The following MARCHF11 variants were observed in gnomAD, a reference collection of about 807,000 sequenced individuals.
MARCHF11 encodes the protein membrane associated ring-CH-type finger 11.
In MARCHF11, 29 loss-of-function variants were observed where a neutral mutation model predicts 37.3. The ratio of observed to expected loss-of-function variants is 0.78; its 90% CI spans 0.58 to 1.06. The LOEUF (loss-of-function observed/expected upper bound fraction) is 1.06, where lower values mean the gene tolerates loss of function less well. MARCHF11 is among the 50% of genes least tolerant of loss of function. The pLI is 0.00. For synonymous variants in MARCHF11, 233 were observed against 228.0 expected (o/e 1.02, Z -0.20); for missense variants, 482 against 533.4 (o/e 0.90, Z 0.95).
In MARCHF11 at chr5:16,100,747, T is replaced by A. The variant is rs953948617; in HGVS notation, c.694-9666A>T. On this transcript the variant is annotated intron_variant, in intron 2 of 3. Transcript: ENST00000332432. ...TCTCCATTCACAGGAGGAAGGTATA[T>A]CAGAGCAGCAGAAGGTGTAAAAAGT... Among the ~76,000 whole-genome samples the A allele has an allele frequency of 2.0e-5, 3 of 152,164 alleles. No individual in the cohort carries two copies. The South Asian group carries it at 6.2e-4, about 32-fold the overall frequency.
At chr5:16,118,699 G>A (rs1378282894) in intron 2 of MARCHF11, among the ~76,000 whole-genome samples, 1 of 152,126 alleles carries the variant, frequency 6.6e-6, no homozygotes, top group Non-Finnish European at 1.5e-5. Flanking sequence ...ACCCAAGAGA[G>A]AGGAATCAGG....
chr5:16,101,850 C>T (rs1736964294), intron 2 of MARCHF11, among the ~76,000 whole-genome samples: 1 of 152,182 alleles, frequency 6.6e-6, no homozygotes, highest in Admixed American at 6.5e-5. Context: ...TAGGCCAATG[C>T]AATTTCTCCT....
At chr5:16,119,344 A>AGAGT (rs1455452359) in intron 2 of MARCHF11, among the ~76,000 whole-genome samples, 1 of 151,822 alleles carries the variant, frequency 6.6e-6, no homozygotes, top group Non-Finnish European at 1.5e-5. Flanking sequence ...CCTGGGCAAC[A>AGAGT]GAGTGAGACT....
chr5:16,152,941 A>AT (rs1375728840), intron 2 of MARCHF11, among the ~76,000 whole-genome samples: 1 of 151,984 alleles, frequency 6.6e-6, no homozygotes. Context: ...AAACACACAC[A>AT]TTTTAAGAGC....
chr5:16,129,243 G>T (rs76195140), intron 2 of MARCHF11: 2 of 152,270 alleles, frequency 1.3e-5, no homozygotes, highest in East Asian at 1.9e-4. Context: ...CTGGAGTCGG[G>T]TGTCTTACAA....
intron 2 of MARCHF11, among the ~76,000 whole-genome samples, chr5:16,166,846 T>C (rs896041469): frequency 2.0e-5 from 3 of 151,910 alleles, no homozygotes; most frequent in Non-Finnish European, 2.9e-5. Flanking sequence ...TTTTTAATCA[T>C]CCAGTATATT....
rs80301982 is a variant in MARCHF11 at position 16,143,959 on chromosome 5, C to T, written c.693+33767G>A. On this transcript the variant is annotated intron_variant, in intron 2 of 3. Transcript: ENST00000332432. ...TCCCACAGGTCCAGCAGTCCCTAGC[C>T]GTGATGATGCTCACTCCATCTGTAT... 6.9e-3 allele frequency among the ~76,000 whole-genome samples: 1,057 copies of T among 152,290 alleles called. 17 individuals are homozygous for T. The highest frequency in any genetic ancestry group is 0.024 in the African/African-American group (995 of 41,562).
intron 2 of MARCHF11, among the ~76,000 whole-genome samples, chr5:16,157,441 T>C (rs1737995968): frequency 6.6e-6 from 1 of 151,844 alleles, no homozygotes; most frequent in African/African-American, 2.4e-5. Context: ...TATGTCAAAA[T>C]ATAATACAAA....
At position 16,067,812 on chromosome 5, in the gene MARCHF11, A is replaced by T. The variant is rs1385711670; in HGVS notation, c.887-19T>A. ...ATGAGACCTAAAATTTGAGAAAATA[A>T]AAAACCAAAAAGACTGGTGATAATC... On this transcript the variant is annotated intron_variant, in intron 3 of 3. Transcript: ENST00000332432. 9.4e-6 allele frequency: 15 copies of T among 1,588,762 alleles called. No individual in the cohort carries two copies. Among genetic ancestry groups the T allele is most frequent in the African/African-American group, 1.4e-5 (1 of 74,034 alleles).
chr5:16,068,083 T>C (rs560400068), intron 3 of MARCHF11, among the ~76,000 whole-genome samples: 2 of 152,326 alleles, frequency 1.3e-5, no homozygotes, highest in African/African-American at 4.8e-5. Flanking sequence ...GGAATTTATA[T>C]TGCCTTAGGA....
At chr5:16,078,230 G>C (rs1736551485) in intron 3 of MARCHF11, among the ~76,000 whole-genome samples, 1 of 152,082 alleles carries the variant, frequency 6.6e-6, no homozygotes, top group Admixed American at 6.6e-5. Context: ...GTTTGATCTT[G>C]GGGAAATTGC....
At chr5:16,127,260 C>A (rs1310768976) in intron 2 of MARCHF11, among the ~76,000 whole-genome samples, 5 of 152,270 alleles carry the variant, frequency 3.3e-5, no homozygotes, top group African/African-American at 1.2e-4. Flanking sequence ...CCTTTTCCTG[C>A]AGTCAGGTTG....
intron 2 of MARCHF11, among the ~76,000 whole-genome samples, chr5:16,162,517 C>T (rs1188295305): frequency 6.6e-6 from 1 of 152,008 alleles, no homozygotes; most frequent in Non-Finnish European, 1.5e-5. Flanking sequence ...GTAGCCTTCA[C>T]TGACCATTCT....
intron 3 of MARCHF11, among the ~76,000 whole-genome samples, chr5:16,068,627 T>G (rs1736388119): frequency 6.6e-6 from 1 of 152,184 alleles, no homozygotes; most frequent in Non-Finnish European, 1.5e-5. Flanking sequence ...TTGGAAACCG[T>G]TAAGTCAGAC....
chr5:16,157,651 A>C (rs1171440425), intron 2 of MARCHF11, among the ~76,000 whole-genome samples: 1 of 151,894 alleles, frequency 6.6e-6, no homozygotes, highest in Non-Finnish European at 1.5e-5. Context: ...AAATGATGTC[A>C]GACTCTTAGC....
rs1021299453 is a variant in MARCHF11, at chr5:16,179,086, G to C, written c.490C>G (p.Gln164Glu). 1 of 1,496,154 alleles carries C rather than the reference G, an allele frequency of 6.7e-7. No individual in the cohort carries two copies. Among genetic ancestry groups the C allele is most frequent in the Non-Finnish European group, 8.9e-7 (1 of 1,129,318 alleles). The allele number at this position is 1,496,154 out of a possible 1,614,324, so 92.7% of individuals were successfully genotyped here. Residue 164 changes from glutamine (Q) to glutamate (E), a missense_variant, in exon 1 of 4, where the codon CAG (glutamine) becomes GAG (glutamate). Gln to Glu is a conservative substitution (Grantham distance 29, BLOSUM62 2). Transcript: ENST00000332432. ...ATCTTGCAGATGGGCTGGTGGTGCT[G>C]GTGCTGGTGCCCAGCGCGCTGGTCG... Reference protein sequence around the residue: ...GGDQRAGHQHQHHQPICKICF... With the variant: ...GGDQRAGHQHEHHQPICKICF...
chr5:16,129,880 G>A (rs75911288), intron 2 of MARCHF11, among the ~76,000 whole-genome samples: 21 of 152,210 alleles, frequency 1.4e-4, no homozygotes, highest in Middle Eastern at 3.4e-3. Context: ...TTACCAGAGC[G>A]AGGAAAGCCT....
At chr5:16,088,234 A>G (rs1454752606) in intron 3 of MARCHF11, among the ~76,000 whole-genome samples, 3 of 152,026 alleles carry the variant, frequency 2.0e-5, no homozygotes, top group Non-Finnish European at 1.5e-5. Context: ...GTGTTCAACT[A>G]CCCCTTCCTG....
intron 2 of MARCHF11, among the ~76,000 whole-genome samples, chr5:16,139,892 A>C (rs1737673269): frequency 6.6e-6 from 1 of 152,180 alleles, no homozygotes; most frequent in Admixed American, 6.5e-5. Context: ...CTTCTCTACA[A>C]ATTTTTATGG....
Sources: allele counts gnomAD v4.1 joint callset (sites outside exome capture counted in the v4.1 genomes callset), GRCh38; gene constraint gnomAD v4.1.1; transcripts MANE v1.5; gene names NCBI Gene and HGNC (gene_info 2026-07-23, HGNC 2026-07-21).